The following PCDH15 variants were observed in gnomAD, a reference collection of about 807,000 sequenced individuals.
The protein encoded by PCDH15 is protocadherin-15.
A neutral mutation model predicts 178.5 loss-of-function variants in PCDH15; 129 were observed. The ratio of observed to expected loss-of-function variants is 0.72; its 90% confidence interval spans 0.63 to 0.84. PCDH15 has a LOEUF of 0.84. Ranked by LOEUF, PCDH15 falls within the 40% of genes least tolerant of loss-of-function variation. The pLI, the probability that PCDH15 is intolerant of heterozygous loss-of-function variation, is 0.00. For synonymous variants in PCDH15, 800 were observed against 732.0 expected, an observed-to-expected ratio of 1.09 and a Z score of -1.50; for missense variants, 2,230 against 2,099.9, an observed-to-expected ratio of 1.06 and a Z score of -1.21.
At chr10:54,158,651 T>C (rs551948399) in intron 13 of PCDH15, among the ~76,000 whole-genome samples, 22 of 152,182 alleles carry the variant, frequency 1.4e-4, no homozygotes, top group Non-Finnish European at 2.5e-4. Context: ...AGGACAAATA[T>C]AAAGATGATT....
intron 2 of PCDH15, among the ~76,000 whole-genome samples, chr10:55,619,426 A>G (rs1415989633): frequency 6.6e-6 from 1 of 152,038 alleles, no homozygotes; most frequent in East Asian, 1.9e-4. Flanking sequence ...CATTTAAAAT[A>G]TGCTCAAGAG....
chr10:54,775,673 G>A (rs1240255945), intron 1 of PCDH15, among the ~76,000 whole-genome samples: 6 of 152,044 alleles, frequency 3.9e-5, no homozygotes, highest in Non-Finnish European at 5.9e-5. Context: ...CGAGGCGGGC[G>A]GATCACGAGG....
chr10:54,903,953 C>T (rs1307289204), intron 2 of PCDH15, among the ~76,000 whole-genome samples: 5 of 152,052 alleles, frequency 3.3e-5, no homozygotes, highest in Non-Finnish European at 7.4e-5. Context: ...ATTCTGAGTG[C>T]ACTCTAGACA....
chr10:54,601,662 C>G (rs1278391687), intron 2 of PCDH15, among the ~76,000 whole-genome samples: 1 of 151,866 alleles, frequency 6.6e-6, no homozygotes, highest in Non-Finnish European at 1.5e-5. Context: ...AACAGAACTG[C>G]CATTTGACCC....
At chr10:54,903,431 T>G (rs1542351) in intron 2 of PCDH15, among the ~76,000 whole-genome samples, 110,655 of 152,026 alleles carry the variant, frequency 0.73, 40,729 homozygotes, top group East Asian at 0.89. Flanking sequence ...CAAAGTATAA[T>G]AGCTAAGAAT....
At chr10:54,190,364 A>T (rs761532755) in intron 11 of PCDH15, among the ~76,000 whole-genome samples, 12 of 152,168 alleles carry the variant, frequency 7.9e-5, no homozygotes, top group Middle Eastern at 3.2e-3. Context: ...TATCCCTATA[A>T]TGATGATTGT....
intron 8 of PCDH15, among the ~76,000 whole-genome samples, chr10:54,313,892 T>C (rs1235227632): frequency 6.6e-6 from 1 of 152,048 alleles, no homozygotes; most frequent in African/African-American, 2.4e-5. Context: ...ATTAAGTTTG[T>C]ACACTCTGCT....
chr10:54,251,970 C>G (rs548762223), intron 8 of PCDH15, among the ~76,000 whole-genome samples: 234 of 152,056 alleles, frequency 1.5e-3, no homozygotes, highest in African/African-American at 5.4e-3. Context: ...ATATGCTCCC[C>G]CCTGCCTTTT....
At chr10:54,894,207 G>A (rs1954511742) in intron 3 of PCDH15, among the ~76,000 whole-genome samples, 1 of 151,972 alleles carries the variant, frequency 6.6e-6, no homozygotes. Flanking sequence ...TATTGTCAAT[G>A]GACAACAAAG....
intron 2 of PCDH15, among the ~76,000 whole-genome samples, chr10:55,559,198 T>C (rs1842146146): frequency 6.6e-6 from 1 of 152,024 alleles, no homozygotes; most frequent in African/African-American, 2.4e-5. Flanking sequence ...ATGTCCCAAA[T>C]AGAACCAAAT....
intron 1 of PCDH15, among the ~76,000 whole-genome samples, chr10:54,783,086 G>T (rs561563705): frequency 6.6e-6 from 1 of 152,108 alleles, no homozygotes; most frequent in South Asian, 2.1e-4. Flanking sequence ...GCAAGGAAAC[G>T]TGACACTTTC....
intron 2 of PCDH15, among the ~76,000 whole-genome samples, chr10:54,993,941 T>C (rs1331442533): frequency 6.6e-6 from 1 of 152,162 alleles, no homozygotes; most frequent in Non-Finnish European, 1.5e-5. Flanking sequence ...ATAGTTATTC[T>C]GAAAATAACA....
chr10:55,612,016 G>A (rs1216639772), intron 2 of PCDH15, among the ~76,000 whole-genome samples: 2 of 152,054 alleles, frequency 1.3e-5, no homozygotes, highest in Non-Finnish European at 2.9e-5. Flanking sequence ...CCAGAGGCTG[G>A]AGGAGGCGGG....
chr10:55,623,784 C>T (rs1480880222), intron 2 of PCDH15, among the ~76,000 whole-genome samples: 1 of 150,708 alleles, frequency 6.6e-6, no homozygotes, highest in Non-Finnish European at 1.5e-5. Flanking sequence ...GCACTAACAC[C>T]TTCTAATAGA....
intron 14 of PCDH15, among the ~76,000 whole-genome samples, chr10:54,138,462 G>T (rs929850447): frequency 6.6e-6 from 1 of 152,150 alleles, no homozygotes. Flanking sequence ...GTGTGTGTTT[G>T]ATATAGTCAT....
At chr10:54,328,549 C>T (rs561472661) in intron 7 of PCDH15, among the ~76,000 whole-genome samples, 7 of 151,994 alleles carry the variant, frequency 4.6e-5, no homozygotes, top group Non-Finnish European at 8.8e-5. Context: ...CCTCAACCTT[C>T]GTTCCTATTA....
intron 1 of PCDH15, among the ~76,000 whole-genome samples, chr10:55,263,980 C>T (rs35801158): frequency 0.17 from 26,087 of 151,790 alleles, 3,066 homozygotes; most frequent in East Asian, 0.37. Context: ...GTGATTCGCC[C>T]GCCTCGGCCT....
intron 3 of PCDH15, among the ~76,000 whole-genome samples, chr10:54,876,174 A>G (rs1954139540): frequency 1.3e-5 from 2 of 152,148 alleles, no homozygotes; most frequent in Admixed American, 1.3e-4. Context: ...TGAAGCCTGG[A>G]TGACAACACA....
intron 3 of PCDH15, among the ~76,000 whole-genome samples, chr10:54,434,793 A>C (rs752449104): frequency 1.3e-5 from 2 of 152,222 alleles, no homozygotes; most frequent in Admixed American, 1.3e-4. Context: ...AGAATCCCTT[A>C]ACACAAAAAT....
Sources: gnomAD v4.1 joint callset for allele counts (sites outside exome capture counted in the v4.1 genomes callset) on GRCh38, gnomAD v4.1.1 for gene constraint, MANE v1.5 for transcripts, NCBI Gene and HGNC (gene_info 2026-07-23, HGNC 2026-07-21) for gene names.